Variants in ERP27 observed in about 807,000 individuals in gnomAD.
The protein encoded by ERP27 is endoplasmic reticulum resident protein 27.
Under a neutral mutation model 27.7 loss-of-function variants are expected in ERP27, and 23 were observed. That is an observed-to-expected ratio of 0.83 (90% CI 0.60 to 1.18). The LOEUF is 1.18. Ranked by LOEUF, ERP27 falls within the 50% of genes most tolerant of loss-of-function variation. ERP27 has a pLI of 0.00. For synonymous variants in ERP27, 159 were observed against 118.3 expected (o/e 1.34, Z -2.23); for missense variants, 363 against 327.9 (o/e 1.11, Z -0.83).
At chr12:14,921,566 A>G (rs990891265) in intron 3 of ERP27, among the ~76,000 whole-genome samples, 3 of 152,214 alleles carry the variant, frequency 2.0e-5, no homozygotes, top group African/African-American at 7.2e-5. Context: ...ATCTGAGGGC[A>G]AGGGGGGTCA....
At chr12:14,919,780 C>T (rs1592273373) in intron 4 of ERP27, among the ~76,000 whole-genome samples, 1 of 152,340 alleles carries the variant, frequency 6.6e-6, no homozygotes, top group African/African-American at 2.4e-5. Context: ...CCCATTTACT[C>T]TACTGTAAAA....
chr12:14,927,822 T>A (rs1192072253), intron 3 of ERP27, among the ~76,000 whole-genome samples: 3 of 151,972 alleles, frequency 2.0e-5, no homozygotes, highest in African/African-American at 7.2e-5. Flanking sequence ...TTAAAAATAG[T>A]CTTTGGTGGA....
intron 5 of ERP27, 117 bp from the exon 6 acceptor site, chr12:14,915,803 A>G (rs1863402149): frequency 1.1e-6 from 1 of 916,612 alleles, no homozygotes; most frequent in African/African-American, 1.7e-5. Context: ...GCACCATGAA[A>G]TTGAAATCTT....
chr12:14,930,178 A>C (rs762127028), intron 3 of ERP27, among the ~76,000 whole-genome samples: 140 of 152,330 alleles, frequency 9.2e-4, no homozygotes, highest in Non-Finnish European at 1.6e-3. Flanking sequence ...ACTTAAAGTA[A>C]AATGAAATAA....
chr12:14,919,370 G>A (rs1863464263), intron 4 of ERP27, among the ~76,000 whole-genome samples: 1 of 152,162 alleles, frequency 6.6e-6, no homozygotes, highest in Admixed American at 6.6e-5. Context: ...AAACCAGGAA[G>A]GTTAGTGCAT....
At chr12:14,917,671 G>A (rs139355283) in intron 4 of ERP27, among the ~76,000 whole-genome samples, 2 of 152,282 alleles carry the variant, frequency 1.3e-5, no homozygotes, top group Admixed American at 6.5e-5. Flanking sequence ...GAGGAGAAAC[G>A]CATGGCCAGG....
chr12:14,935,984 A>T (rs1445753932), intron 2 of ERP27, among the ~76,000 whole-genome samples: 1 of 152,080 alleles, frequency 6.6e-6, no homozygotes, highest in Non-Finnish European at 1.5e-5. Context: ...AGGCTCCCAA[A>T]GTGCTAGAAT....
chr12:14,936,430 C>G (rs1863774401), intron 2 of ERP27, among the ~76,000 whole-genome samples: 1 of 152,136 alleles, frequency 6.6e-6, no homozygotes, highest in Non-Finnish European at 1.5e-5. Flanking sequence ...ATTTTCCCTG[C>G]TCTCACGGGA....
Position 14,917,230 on chromosome 12 carries a change from T to C in ERP27, c.524A>G (p.Tyr175Cys). ...LLIMNKASPE[Y>C]EENMHRYQKA... ...CTGGTATCTGTGCATGTTCTCTTCA[T>C]ACTCTGGGGAGGCCTTGTTCATTAT... is the stretch of plus-strand genomic sequence containing the variant. The change falls in exon 5 of 7, where the codon TAT (tyrosine) becomes TGT (cysteine). Residue 175 changes from tyrosine to cysteine, a missense_variant. Coordinates refer to ENST00000266397, the MANE Select transcript of ERP27 (RefSeq NM_152321.4). The C allele has an allele frequency of 6.2e-7, 1 of 1,614,200 alleles. No homozygotes were observed. The highest frequency in any genetic ancestry group is 8.5e-7 in the Non-Finnish European group (1 of 1,180,028).
chr12:14,934,059 G>A (rs1863736546), intron 3 of ERP27, among the ~76,000 whole-genome samples: 1 of 152,160 alleles, frequency 6.6e-6, no homozygotes, highest in Non-Finnish European at 1.5e-5. Flanking sequence ...CATTAAAGTG[G>A]TATTCTACTT....
intron 6 of ERP27, 98 bp downstream of exon 6, chr12:14,915,391 C>A: frequency 7.8e-7 from 1 of 1,278,708 alleles, no homozygotes; most frequent in Non-Finnish European, 1.1e-6. Context: ...CAACATTTTG[C>A]TCTCCTCCCT....
rs1332627461 is a variant in ERP27, at chr12:14,914,598, GCGTGCGTGTGTGCA to G, written c.*123_*136del. The G allele has an allele frequency of 6.0e-5, 39 of 647,624 alleles. No individual in the cohort carries two copies. The highest frequency in any genetic ancestry group is 5.6e-5 in the Non-Finnish European group (21 of 372,488). The allele number at this position is 647,624 out of a possible 1,614,324, so 40.1% of individuals were successfully genotyped here. On this transcript the variant is annotated 3_prime_UTR_variant, in exon 7 of 7. Coordinates refer to ENST00000266397, the MANE Select transcript of ERP27 (RefSeq NM_152321.4). The stretch of plus-strand genomic sequence containing the variant: ...TGTGTGCGTGTGTGTGTGCACGCGT[GCGTGCGTGTGTGCA>G]CGTGCGTGTGTGTGTGGTTGGCAGG...
At chr12:14,937,701 A>T (rs1196136232) in intron 2 of ERP27, among the ~76,000 whole-genome samples, 2 of 152,250 alleles carry the variant, frequency 1.3e-5, no homozygotes, top group Non-Finnish European at 2.9e-5. Context: ...GCTTCAAAGC[A>T]TCCATAGATG....
At chr12:14,926,298 C>A (rs1051052836) in intron 3 of ERP27, among the ~76,000 whole-genome samples, 3 of 152,148 alleles carry the variant, frequency 2.0e-5, no homozygotes, top group African/African-American at 7.2e-5. Context: ...TTAATATATT[C>A]ATATCAGCTT....
At chr12:14,918,764 G>A (rs1017359526) in intron 4 of ERP27, among the ~76,000 whole-genome samples, 2 of 152,164 alleles carry the variant, frequency 1.3e-5, no homozygotes, top group Admixed American at 1.3e-4. Context: ...TGTAGGCAAG[G>A]AGGGCCCAGT....
intron 2 of ERP27, among the ~76,000 whole-genome samples, chr12:14,935,752 G>C (rs1408917756): frequency 2.0e-5 from 3 of 152,194 alleles, no homozygotes; most frequent in Non-Finnish European, 4.4e-5. Context: ...TTTTGACACA[G>C]AGTCTTGCTC....
rs746321476 is a variant in ERP27, at chr12:14,938,048, A to G, written c.99T>C (p.Gly33=). 1.2e-6 allele frequency: 2 copies of G among 1,613,908 alleles called. No homozygotes were observed. Among genetic ancestry groups the G allele is most frequent in the South Asian group, 2.2e-5 (2 of 91,082 alleles). The change falls in exon 2 of 7, where the codon GGT becomes GGC. Residue 33 remains glycine, a synonymous_variant. Transcript: ENST00000266397. Reference sequence around the variant, plus strand: ...ACGTGGGTTCCTGGGCAGCACCAGGACCATCTAGAGAGAGAAGCAGAAGAT... The same window carrying G: ...ACGTGGGTTCCTGGGCAGCACCAGGGCCATCTAGAGAGAGAAGCAGAAGAT... The part of the protein sequence containing the change: ...VAAEVEKSSD[G]PGAAQEPTWL...
chr12:14,923,521 ATC>A (rs1299440555), intron 3 of ERP27, among the ~76,000 whole-genome samples: 5 of 151,434 alleles, frequency 3.3e-5, no homozygotes, highest in African/African-American at 1.2e-4. Flanking sequence ...CTATCTATCT[ATC>A]TATCTATCTA....
chr12:14,931,098 C>A (rs1323610838), intron 3 of ERP27, among the ~76,000 whole-genome samples: 1 of 152,158 alleles, frequency 6.6e-6, no homozygotes, highest in Non-Finnish European at 1.5e-5. Context: ...GGGTACGAAT[C>A]AGACATCTGT....
Sources: gnomAD v4.1 joint callset for allele counts (sites outside exome capture counted in the v4.1 genomes callset) on GRCh38, gnomAD v4.1.1 for gene constraint, MANE v1.5 for transcripts, NCBI Gene and HGNC (gene_info 2026-07-23, HGNC 2026-07-21) for gene names.